ADAMTS18: variants seen among roughly 807,000 people sequenced by gnomAD.
The protein encoded by ADAMTS18 is A disintegrin and metalloproteinase with thrombospondin motifs 18.
Under a neutral mutation model 165.9 loss-of-function variants are expected in ADAMTS18, and 157 were observed. The observed-to-expected ratio is 0.95, with a 90% confidence interval of 0.83 to 1.08. The LOEUF is 1.08. Ranked by LOEUF, ADAMTS18 falls within the 50% of genes least tolerant of loss-of-function variation. The pLI, the probability that ADAMTS18 is intolerant of heterozygous loss-of-function variation, is 0.00. For synonymous variants in ADAMTS18, 782 were observed against 578.2 expected, an observed-to-expected ratio of 1.35 and a Z score of -5.06; for missense variants, 2,040 against 1,534.0, an observed-to-expected ratio of 1.33 and a Z score of -5.51.
intron 10 of ADAMTS18, among the ~76,000 whole-genome samples, chr16:77,345,597 G>A (rs2056464147): frequency 6.6e-6 from 1 of 152,278 alleles, no homozygotes; most frequent in South Asian, 2.1e-4. Flanking sequence ...TCAACACAGT[G>A]ACTAGAGCTG....
chr16:77,403,460 C>T (rs574250805), intron 3 of ADAMTS18, among the ~76,000 whole-genome samples: 42 of 152,294 alleles, frequency 2.8e-4, no homozygotes, highest in African/African-American at 9.4e-4. Flanking sequence ...TTCTAACTCA[C>T]TACACATCCC....
intron 16 of ADAMTS18, among the ~76,000 whole-genome samples, chr16:77,309,476 A>T (rs1440991484): frequency 6.6e-6 from 1 of 152,170 alleles, no homozygotes; most frequent in Non-Finnish European, 1.5e-5. Flanking sequence ...ACATGTTGAA[A>T]CCATCTAGAA....
chr16:77,308,335 A>C (rs1201462705), intron 16 of ADAMTS18, among the ~76,000 whole-genome samples: 1 of 152,240 alleles, frequency 6.6e-6, no homozygotes, highest in Non-Finnish European at 1.5e-5. Flanking sequence ...CTTCATAATG[A>C]AACACTCATG....
Position 77,297,319 on chromosome 16 carries a change from T to G in ADAMTS18, c.2771A>C (p.Lys924Thr), listed in dbSNP as rs755511428. 1.9e-6 allele frequency: 3 copies of G among 1,614,082 alleles called. No homozygotes were observed. The highest frequency in any genetic ancestry group is 8.5e-7 in the Non-Finnish European group (1 of 1,180,034). Residue 924 changes from lysine to threonine, a missense_variant, in exon 18 of 23, where the codon AAA (lysine) becomes ACA (threonine). Physicochemically the swap from Lys to Thr is moderately conservative, Grantham distance 78. Transcript: ENST00000282849. ...CGGGCAGGAGAAAGCGTTGCAGATT[T>G]TGGGCTCAGTTACTGGCTTGGTTTT... The part of the protein sequence containing the change: ...SAKTKPVTEP[K>T]ICNAFSCPAY...
At chr16:77,385,617 T>C (rs1009750940) in intron 3 of ADAMTS18, among the ~76,000 whole-genome samples, 3 of 152,200 alleles carry the variant, frequency 2.0e-5, no homozygotes, top group Admixed American at 6.5e-5. Context: ...ACAGCATTTA[T>C]TTGTTAAACA....
chr16:77,343,771 T>A (rs2056434251), intron 10 of ADAMTS18, among the ~76,000 whole-genome samples: 1 of 152,204 alleles, frequency 6.6e-6, no homozygotes, highest in Non-Finnish European at 1.5e-5. Flanking sequence ...CAGTTAAAGT[T>A]GATATTTACA....
intron 12 of ADAMTS18, among the ~76,000 whole-genome samples, chr16:77,331,869 C>T (rs770145094): frequency 6.6e-6 from 1 of 152,218 alleles, no homozygotes; most frequent in East Asian, 1.9e-4. Flanking sequence ...TGTCTCCAAA[C>T]TCTGCTTTAT....
intron 3 of ADAMTS18, among the ~76,000 whole-genome samples, chr16:77,425,971 G>T (rs148771335): frequency 1.3e-5 from 2 of 152,152 alleles, no homozygotes; most frequent in East Asian, 3.9e-4. Context: ...GCTTGAATCT[G>T]GGAGACAGAG....
Position 77,434,446 on chromosome 16 carries a change from G to T in ADAMTS18, c.150C>A (p.Ser50Arg). Reference protein sequence around the residue: ...ASVAAALASDSSSGASGLNDD... With the variant: ...ASVAAALASDRSSGASGLNDD... ...CATTTAATCCGCTGGCGCCGCTGCTGCTGTCACTGGCTAAGGCCGCGGCGA... is the reference window on the plus strand; with the variant it reads ...CATTTAATCCGCTGGCGCCGCTGCTTCTGTCACTGGCTAAGGCCGCGGCGA... Residue 50 changes from serine to arginine, a missense_variant, in exon 2 of 23, where the codon AGC (serine) becomes AGA (arginine). Transcript: ENST00000282849. 6.4e-7 allele frequency: 1 copy of T among 1,573,350 alleles called. No homozygotes were observed.
At chr16:77,409,264 C>A (rs562768075) in intron 3 of ADAMTS18, among the ~76,000 whole-genome samples, 4 of 151,984 alleles carry the variant, frequency 2.6e-5, no homozygotes, top group Non-Finnish European at 4.4e-5. Flanking sequence ...GGAGAGAAAG[C>A]GGTATGTAGG....
At chr16:77,298,812 A>T (rs1305164423) in intron 17 of ADAMTS18, among the ~76,000 whole-genome samples, 1 of 152,192 alleles carries the variant, frequency 6.6e-6, no homozygotes, top group Admixed American at 6.5e-5. Context: ...AACAAAAACA[A>T]AAAATCAACA....
At position 77,291,045 on chromosome 16, in the gene ADAMTS18, T is replaced by A. The variant is rs1016552084; in HGVS notation, c.3402+221A>T. 10 of 587,728 alleles carry A rather than the reference T, an allele frequency of 1.7e-5. No individual in the cohort carries two copies. The East Asian group carries it at 2.9e-4, about 17-fold the overall frequency. 36.4% of individuals were successfully genotyped at this position (587,728 alleles called of 1,614,324 possible). ...ACATTTTCTGATGAACAAAAACAAA[T>A]CAACTCTCCCAGATAATGATTTTCT... is the stretch of plus-strand genomic sequence containing the variant. On this transcript the variant is annotated intron_variant, in intron 21 of 22. Coordinates refer to ENST00000282849, the MANE Select transcript of ADAMTS18 (RefSeq NM_199355.4).
intron 7 of ADAMTS18, among the ~76,000 whole-genome samples, chr16:77,359,682 T>C (rs1325019576): frequency 6.6e-6 from 1 of 152,202 alleles, no homozygotes; most frequent in East Asian, 1.9e-4. Flanking sequence ...GTAAGGTCAG[T>C]ATGAGTACTG....
chr16:77,329,583 A>G (rs906963156), intron 12 of ADAMTS18, among the ~76,000 whole-genome samples: 8 of 152,204 alleles, frequency 5.3e-5, no homozygotes, highest in African/African-American at 1.9e-4. Context: ...CTATTTTTAA[A>G]TGCCTTATGC....
chr16:77,295,201 G>C (rs1266929902), intron 18 of ADAMTS18, 74 bp from the exon 19 acceptor site: 74 of 1,497,470 alleles, frequency 4.9e-5, no homozygotes, highest in Non-Finnish European at 6.7e-5. Flanking sequence ...TACTGTGAAA[G>C]GTAAACCACC....
At chr16:77,410,238 G>C (rs8053215) in intron 3 of ADAMTS18, among the ~76,000 whole-genome samples, 20,487 of 149,286 alleles carry the variant, frequency 0.14, 1,621 homozygotes, top group Middle Eastern at 0.29. Context: ...ATTAATGTTG[G>C]TCATAACCAA....
chr16:77,392,442 TG>T (rs2057200593), intron 3 of ADAMTS18, among the ~76,000 whole-genome samples: 1 of 152,136 alleles, frequency 6.6e-6, no homozygotes, highest in Admixed American at 6.5e-5. Context: ...TTCTCCCCAT[TG>T]GGTTCACACC....
Position 77,367,723 on chromosome 16 carries a change from A to T in ADAMTS18, c.496T>A (p.Ser166Thr), listed in dbSNP as rs762911769. 1.2e-6 allele frequency: 2 copies of T among 1,614,184 alleles called. No homozygotes were observed. Among genetic ancestry groups the T allele is most frequent in the Admixed American group, 3.3e-5 (2 of 60,018 alleles). ...SVAVSTCAGL[S>T]GLIRTRKNEF... ...TTTTTTCGTGTCCTTATTAAACCTGACTAAAAAGCCAAACACAAAGCAAAC... is the reference window on the plus strand; with the variant it reads ...TTTTTTCGTGTCCTTATTAAACCTGTCTAAAAAGCCAAACACAAAGCAAAC... The change falls in exon 4 of 23, where the codon TCA becomes ACA. Residue 166 changes from serine to threonine, a missense_variant and splice_region_variant. Ser to Thr is a moderately conservative substitution (Grantham distance 58, BLOSUM62 1). Transcript: ENST00000282849.
intron 3 of ADAMTS18, among the ~76,000 whole-genome samples, chr16:77,380,308 C>T (rs2057012761): frequency 1.3e-5 from 2 of 152,212 alleles, no homozygotes; most frequent in Non-Finnish European, 2.9e-5. Flanking sequence ...TGTCATCTAG[C>T]AGCTCTTAAT....
Sources: allele counts gnomAD v4.1 joint callset (sites outside exome capture counted in the v4.1 genomes callset), GRCh38; gene constraint gnomAD v4.1.1; transcripts MANE v1.5; gene names NCBI Gene and HGNC (gene_info 2026-07-23, HGNC 2026-07-21).